The following DPYD variants were observed in gnomAD, a reference collection of about 807,000 sequenced individuals.
DPYD encodes dihydropyrimidine dehydrogenase, also known as dihydropyrimidine dehydrogenase [NADP(+)].
In DPYD, 109 loss-of-function variants were observed where a neutral mutation model predicts 116.2. That is an observed-to-expected ratio of 0.94 (90% CI 0.80 to 1.10). The LOEUF (loss-of-function observed/expected upper bound fraction) is 1.10, where lower values mean the gene tolerates loss of function less well. DPYD is among the 50% of genes least tolerant of loss of function. The probability of loss-of-function intolerance (pLI) is 0.00; values close to 1 mark genes in which losing one functional copy is unlikely to be tolerated. For missense variants in DPYD, 1,302 were observed against 1,254.5 expected, an observed-to-expected ratio of 1.04 and a Z score of -0.57; for synonymous variants, 440 against 432.0, an observed-to-expected ratio of 1.02 and a Z score of -0.23.
chr1:97,651,419 C>A (rs1326876652), intron 8 of DPYD, among the ~76,000 whole-genome samples: 1 of 152,122 alleles, frequency 6.6e-6, no homozygotes, highest in Non-Finnish European at 1.5e-5. Context: ...ATACCTAAAT[C>A]GGCAAGATAC....
intron 2 of DPYD, among the ~76,000 whole-genome samples, chr1:97,860,391 A>G (rs11165920): frequency 0.21 from 31,589 of 152,128 alleles, 3,456 homozygotes; most frequent in South Asian, 0.23. Flanking sequence ...TATTTGTACT[A>G]AAAAGTATAA....
At chr1:97,540,630 T>C (rs966384836) in intron 12 of DPYD, among the ~76,000 whole-genome samples, 1 of 152,132 alleles carries the variant, frequency 6.6e-6, no homozygotes, top group Non-Finnish European at 1.5e-5. Flanking sequence ...CCTAGTCCAT[T>C]TGAGTTTTTA....
At chr1:97,813,455 T>C (rs956014431) in intron 3 of DPYD, among the ~76,000 whole-genome samples, 3 of 152,130 alleles carry the variant, frequency 2.0e-5, no homozygotes, top group Non-Finnish European at 2.9e-5. Flanking sequence ...TTGTAAATCA[T>C]TTTTCTTTCC....
intron 18 of DPYD, among the ~76,000 whole-genome samples, chr1:97,243,382 G>A (rs1662505110): frequency 6.6e-6 from 1 of 151,776 alleles, no homozygotes; most frequent in Non-Finnish European, 1.5e-5. Flanking sequence ...CATTGTGCTG[G>A]TCACATTACT....
chr1:97,234,747 T>A, intron 19 of DPYD, 105 bp downstream of exon 19: 1 of 1,468,224 alleles, frequency 6.8e-7, no homozygotes, highest in Admixed American at 1.9e-5. Context: ...AATGGCCTCC[T>A]TTTCAAGAGG....
chr1:97,543,979 C>A (rs1045470023), intron 12 of DPYD, among the ~76,000 whole-genome samples: 1 of 152,160 alleles, frequency 6.6e-6, no homozygotes, highest in South Asian at 2.1e-4. Flanking sequence ...GGGGAAAGGC[C>A]CAGATTCAGG....
intron 3 of DPYD, among the ~76,000 whole-genome samples, chr1:97,813,563 A>C (rs1360540511): frequency 6.6e-6 from 1 of 152,186 alleles, no homozygotes; most frequent in Non-Finnish European, 1.5e-5. Context: ...ACAGATATCA[A>C]CTAAGAGTAT....
chr1:97,189,237 G>A lies in DPYD; in HGVS notation c.2622+3832C>T, dbSNP rs1380790650. On this transcript the variant is annotated intron_variant, in intron 20 of 22. Transcript: ENST00000370192. The stretch of plus-strand genomic sequence containing the variant: ...CAACTGCGATGTGATACTGGTTACA[G>A]CCAAGGTTCAAAAAGGAAGGAGACA... Among the ~76,000 whole-genome samples the A allele has an allele frequency of 5.6e-4, 85 of 152,152 alleles. 2 individuals are homozygous for A. The highest frequency in any genetic ancestry group is 7.4e-5 in the Non-Finnish European group (5 of 68,020).
At chr1:97,510,252 T>C (rs145011833) in intron 13 of DPYD, among the ~76,000 whole-genome samples, 1 of 151,992 alleles carries the variant, frequency 6.6e-6, no homozygotes, top group East Asian at 1.9e-4. Context: ...TGATTCTCCA[T>C]CCCTGGAGCA....
At chr1:97,844,562 C>A (rs1670196668) in intron 2 of DPYD, among the ~76,000 whole-genome samples, 1 of 152,176 alleles carries the variant, frequency 6.6e-6, no homozygotes, top group South Asian at 2.1e-4. Flanking sequence ...TGTGGAGGTG[C>A]TGGTGATAAC....
chr1:97,390,460 C>T (rs889673395), intron 14 of DPYD, among the ~76,000 whole-genome samples: 6 of 151,876 alleles, frequency 4.0e-5, no homozygotes, highest in Non-Finnish European at 8.8e-5. Flanking sequence ...TTTTAGATGT[C>T]CTTTATGCCT....
Position 97,382,470 on chromosome 1 carries a change from A to G in DPYD, c.1906-9T>C. On this transcript the variant is annotated splice_polypyrimidine_tract_variant and intron_variant, in intron 14 of 22. Coordinates refer to ENST00000370192, the MANE Select transcript of DPYD (RefSeq NM_000110.4). The stretch of plus-strand genomic sequence containing the variant: ...ATGCTAGCAATCACAATCTTTAAAA[A>G]GAAAAACAAAAGAATATAAGTTCAA... The G allele has an allele frequency of 6.4e-7, 1 of 1,563,888 alleles. No individual in the cohort carries two copies.
chr1:97,173,774 T>C (rs994180448), intron 20 of DPYD, among the ~76,000 whole-genome samples: 1 of 149,178 alleles, frequency 6.7e-6, no homozygotes, highest in Admixed American at 6.8e-5. Context: ...GTCAGAATTA[T>C]GTGAGTTCAG....
chr1:97,723,740 T>C (rs1477950682), intron 4 of DPYD, among the ~76,000 whole-genome samples: 1 of 151,530 alleles, frequency 6.6e-6, no homozygotes, highest in African/African-American at 2.4e-5. Context: ...TAATAAATCA[T>C]TAAGCTGTCA....
chr1:97,224,999 GTCTGTCTATCTATCTATCTATCTA>G lies in DPYD; in HGVS notation c.2442+9829_2442+9852del, dbSNP rs60960436. ...TACAGATCTATCTAACTATCTGTCT[GTCTGTCTATCTATCTATCTATCTA>G]TCTATCTATCTATCTATCTATCTAT... On this transcript the variant is annotated intron_variant, in intron 19 of 22. Coordinates refer to ENST00000370192, the MANE Select transcript of DPYD (RefSeq NM_000110.4). Among the ~76,000 whole-genome samples the G allele has an allele frequency of 1.9e-3, 275 of 142,366 alleles. 3 individuals are homozygous for G. Among genetic ancestry groups the G allele is most frequent in the African/African-American group, 6.4e-3 (245 of 38,312 alleles). The allele number at this position is 142,366 out of a possible 152,430, so 93.4% of individuals were successfully genotyped here. A position where few individuals can be genotyped will look rare whatever the true frequency, so the allele number is the denominator to read the frequency against.
chr1:97,300,366 T>G (rs1384652410), intron 18 of DPYD, among the ~76,000 whole-genome samples: 1 of 152,146 alleles, frequency 6.6e-6, no homozygotes, highest in African/African-American at 2.4e-5. Context: ...TTACAATAGA[T>G]AGCTTAAATT....
intron 1 of DPYD, among the ~76,000 whole-genome samples, chr1:97,889,298 T>G (rs1672657613): frequency 6.6e-6 from 1 of 152,064 alleles, no homozygotes; most frequent in Non-Finnish European, 1.5e-5. Context: ...TAGGTAATTA[T>G]GAAATTATAA....
At chr1:97,536,155 A>T (rs1350716728) in intron 12 of DPYD, among the ~76,000 whole-genome samples, 1 of 152,194 alleles carries the variant, frequency 6.6e-6, no homozygotes, top group Non-Finnish European at 1.5e-5. Context: ...TCCCAATGAG[A>T]CTGACCTGAA....
chr1:97,179,375 G>A (rs553234428), intron 20 of DPYD, among the ~76,000 whole-genome samples: 74 of 152,284 alleles, frequency 4.9e-4, no homozygotes, highest in African/African-American at 1.7e-3. Context: ...TTGATAGCCT[G>A]ATGATGGGTG....
Sources: gnomAD v4.1 joint callset for allele counts (sites outside exome capture counted in the v4.1 genomes callset) on GRCh38, gnomAD v4.1.1 for gene constraint, MANE v1.5 for transcripts, NCBI Gene and HGNC (gene_info 2026-07-23, HGNC 2026-07-21) for gene names.